Variants in KCNJ6 observed in about 807,000 individuals in gnomAD.
KCNJ6 encodes the protein potassium inwardly rectifying channel subfamily J member 6, also known as G protein-activated inward rectifier potassium channel 2.
A neutral mutation model predicts 34.2 loss-of-function variants in KCNJ6; 9 were observed. That is an observed-to-expected ratio of 0.26 (90% CI 0.16 to 0.46). The LOEUF (loss-of-function observed/expected upper bound fraction) is 0.46, where lower values mean the gene tolerates loss of function less well. Ranked by LOEUF, KCNJ6 falls within the 20% of genes least tolerant of loss-of-function variation. The pLI is 1.00. For missense variants in KCNJ6, 236 were observed against 531.3 expected (o/e 0.44, Z 5.46); for synonymous variants, 196 against 207.1 (o/e 0.95, Z 0.46).
rs575643463 is a variant in KCNJ6 at position 37,674,523 on chromosome 21, G to C, written c.946+39688C>G. Among the ~76,000 whole-genome samples the C allele has an allele frequency of 8.8e-3, 1,332 of 150,828 alleles. 19 individuals are homozygous for C. Among genetic ancestry groups the C allele is most frequent in the African/African-American group, 0.031 (1,264 of 40,938 alleles). On this transcript the variant is annotated intron_variant, in intron 3 of 3. Transcript: ENST00000609713. ...ACTCCCCTCCTCACCCACTGGCTCC[G>C]CCGAGTCAGGCCTCCTTGATGCTTC... is the stretch of plus-strand genomic sequence containing the variant.
chr21:37,706,729 C>G (rs1481652967), intron 3 of KCNJ6, among the ~76,000 whole-genome samples: 6 of 152,194 alleles, frequency 3.9e-5, no homozygotes, highest in Non-Finnish European at 5.9e-5. Context: ...TTCACATTTA[C>G]TGTCCACTTC....
chr21:37,848,089 G>T (rs2836024), intron 1 of KCNJ6, among the ~76,000 whole-genome samples: 51,264 of 152,066 alleles, frequency 0.34, 9,585 homozygotes, highest in South Asian at 0.45. Context: ...GGTCCCTGGA[G>T]GCCAGACAGC....
intron 3 of KCNJ6, among the ~76,000 whole-genome samples, chr21:37,705,679 C>T (rs561624989): frequency 1.3e-5 from 2 of 152,286 alleles, no homozygotes; most frequent in African/African-American, 4.8e-5. Context: ...GTGATATACT[C>T]AATCACAGGG....
At chr21:37,628,522 C>G (rs1460158688) in intron 3 of KCNJ6, among the ~76,000 whole-genome samples, 1 of 152,072 alleles carries the variant, frequency 6.6e-6, no homozygotes, top group African/African-American at 2.4e-5. Flanking sequence ...GAAAAATGAA[C>G]AGTGCCTCAG....
intron 1 of KCNJ6, among the ~76,000 whole-genome samples, chr21:37,872,882 T>C (rs2055659503): frequency 1.3e-5 from 2 of 152,220 alleles, no homozygotes; most frequent in Admixed American, 6.5e-5. Context: ...GCTGGTTTTA[T>C]GAGCATCTGA....
chr21:37,643,901 T>C (rs1331876559), intron 3 of KCNJ6, among the ~76,000 whole-genome samples: 2 of 152,218 alleles, frequency 1.3e-5, no homozygotes, highest in African/African-American at 2.4e-5. Flanking sequence ...TATAAATTTT[T>C]CTGTTACAAA....
At chr21:37,805,505 A>C (rs2055289384) in intron 2 of KCNJ6, among the ~76,000 whole-genome samples, 1 of 151,896 alleles carries the variant, frequency 6.6e-6, no homozygotes, top group South Asian at 2.1e-4. Flanking sequence ...TACCCTTTGC[A>C]TCCTGAATTT....
chr21:37,709,206 T>C (rs1481191234), intron 3 of KCNJ6, among the ~76,000 whole-genome samples: 1 of 152,180 alleles, frequency 6.6e-6, no homozygotes, highest in African/African-American at 2.4e-5. Flanking sequence ...ATACCAGTCA[T>C]CTGCACATGA....
In KCNJ6 at chr21:37,607,505, T is replaced by C. The variant is rs990840246; in HGVS notation, c.*17654A>G. On this transcript the variant is annotated 3_prime_UTR_variant, in exon 4 of 4. Coordinates refer to ENST00000609713, the MANE Select transcript of KCNJ6 (RefSeq NM_002240.5). ...ATATTTTTTTTTTATTTTAAAAAAA[T>C]TTGGCATTGTAGTGATTTCTCAATA... The C allele has an allele frequency of 1.3e-5, 2 of 148,680 alleles. No individual in the cohort carries two copies. The highest frequency in any genetic ancestry group is 3.0e-5 in the Non-Finnish European group (2 of 67,380). The allele number at this position is 148,680 out of a possible 1,614,324, so 9.2% of individuals were successfully genotyped here.
In KCNJ6 at chr21:37,898,488, A is replaced by G. The variant is rs569091729; in HGVS notation, c.-28+17396T>C. ...TCCTAGCTATCTGGGAGGCTGAGGC[A>G]GAAGAATAGCTAGAACCCAGGAGGC... On this transcript the variant is annotated intron_variant, in intron 1 of 3. Coordinates refer to ENST00000609713, the MANE Select transcript of KCNJ6 (RefSeq NM_002240.5). Among the ~76,000 whole-genome samples the G allele has an allele frequency of 6.6e-5, 10 of 152,180 alleles. No homozygotes were observed. The South Asian group carries it at 1.0e-3, about 16-fold the overall frequency.
At chr21:37,699,547 G>A (rs2054679928) in intron 3 of KCNJ6, among the ~76,000 whole-genome samples, 1 of 152,216 alleles carries the variant, frequency 6.6e-6, no homozygotes, top group Admixed American at 6.5e-5. Flanking sequence ...AGATTTGCCA[G>A]GGAAATCGGA....
intron 2 of KCNJ6, among the ~76,000 whole-genome samples, chr21:37,815,067 A>C (rs1164559199): frequency 6.6e-6 from 1 of 152,094 alleles, no homozygotes. Flanking sequence ...TAACATCAAA[A>C]CAATTGATCT....
At chr21:37,891,948 G>A (rs982343941) in intron 1 of KCNJ6, among the ~76,000 whole-genome samples, 3 of 152,140 alleles carry the variant, frequency 2.0e-5, no homozygotes, top group Non-Finnish European at 2.9e-5. Context: ...GTGGAGACAC[G>A]CATCACATGA....
chr21:37,855,273 T>C (rs7284047), intron 1 of KCNJ6, among the ~76,000 whole-genome samples: 1 of 152,064 alleles, frequency 6.6e-6, no homozygotes, highest in Non-Finnish European at 1.5e-5. Context: ...TGCAGTGAGG[T>C]TGCAGTTCTT....
intron 1 of KCNJ6, among the ~76,000 whole-genome samples, chr21:37,862,802 G>T (rs895543651): frequency 1.3e-5 from 2 of 152,334 alleles, no homozygotes; most frequent in Middle Eastern, 6.8e-3. Flanking sequence ...ACAGCCAGGG[G>T]AGAGACAGGG....
rs141623189 is a variant in KCNJ6 at position 37,661,043 on chromosome 21, G to A, written c.947-35559C>T. Reference sequence around the variant, plus strand: ...TTTGGCCAAAATACAATTGAATATTGTAAATCCATATTCAACTTTTTTTGC... The same window carrying A: ...TTTGGCCAAAATACAATTGAATATTATAAATCCATATTCAACTTTTTTTGC... On this transcript the variant is annotated intron_variant, in intron 3 of 3. Transcript: ENST00000609713. Among the ~76,000 whole-genome samples the A allele has an allele frequency of 3.3e-3, 498 of 152,262 alleles. 2 individuals carry two copies. Among genetic ancestry groups the A allele is most frequent in the African/African-American group, 1.0e-2 (415 of 41,546 alleles).
intron 3 of KCNJ6, among the ~76,000 whole-genome samples, chr21:37,668,718 T>G (rs1601411750): frequency 6.6e-6 from 1 of 152,274 alleles, no homozygotes; most frequent in Middle Eastern, 3.4e-3. Context: ...TCTGAGCTTC[T>G]CCACTTTCTT....
intron 3 of KCNJ6, among the ~76,000 whole-genome samples, chr21:37,687,707 T>C (rs1474481560): frequency 6.6e-6 from 1 of 152,196 alleles, no homozygotes; most frequent in Non-Finnish European, 1.5e-5. Context: ...GGGAGACCAG[T>C]CAGCTCTGAG....
In KCNJ6 at chr21:37,690,875, C is replaced by T. The variant is rs117936412; in HGVS notation, c.946+23336G>A. Among the ~76,000 whole-genome samples, 903 of 151,604 alleles carry T rather than the reference C, an allele frequency of 6.0e-3. 5 individuals carry two copies. The highest frequency in any genetic ancestry group is 0.011 in the African/African-American group (456 of 41,328). On this transcript the variant is annotated intron_variant, in intron 3 of 3. Transcript: ENST00000609713. Reference sequence around the variant, plus strand: ...GCTCACTGCAACCTCTGCTTCCTACCGGGATCAAGCAATTCTCTTCCTCAG... The same window carrying T: ...GCTCACTGCAACCTCTGCTTCCTACTGGGATCAAGCAATTCTCTTCCTCAG...
Sources: allele counts gnomAD v4.1 joint callset (sites outside exome capture counted in the v4.1 genomes callset), GRCh38; gene constraint gnomAD v4.1.1; transcripts MANE v1.5; gene names NCBI Gene and HGNC (gene_info 2026-07-23, HGNC 2026-07-21).